The following CELSR3 variants were observed in gnomAD, a reference collection of about 807,000 sequenced individuals.
CELSR3 encodes the protein EGF-like protein 1.
In CELSR3, 73 loss-of-function variants were observed where a neutral mutation model predicts 270.0. That is an observed-to-expected ratio of 0.27 (90% CI 0.22 to 0.33). The LOEUF is 0.33. Ranked by LOEUF, CELSR3 falls within the 10% of genes least tolerant of loss-of-function variation. The probability of loss-of-function intolerance (pLI) is 1.00; values close to 1 mark genes in which losing one functional copy is unlikely to be tolerated. For missense variants in CELSR3, 3,614 were observed against 4,533.8 expected, an observed-to-expected ratio of 0.80 and a Z score of 5.83; for synonymous variants, 1,780 against 1,905.4, an observed-to-expected ratio of 0.93 and a Z score of 1.71.
chr3:48,655,587 C>A lies in CELSR3; in HGVS notation c.4741+149G>T. 2.3e-6 allele frequency: 2 copies of A among 874,994 alleles called. No homozygotes were observed. The highest frequency in any genetic ancestry group is 2.6e-5 in the East Asian group (1 of 38,812). 54.2% of individuals were successfully genotyped at this position (874,994 alleles called of 1,614,324 possible). On this transcript the variant is annotated intron_variant, in intron 4 of 34. Transcript: ENST00000164024. This position sits in a 1 kb window ranked among gnomAD's most constrained non-coding sequence, Gnocchi z 5.8. ...GACTTCTTGGAGGGAGGGACCTTCC[C>A]ACAGGGAATGGCCAAGGAGCTAGGT...
In CELSR3 at chr3:48,640,161, C is replaced by T. The variant is rs536681529; in HGVS notation, c.9424G>A (p.Asp3142Asn). ...GAMAGRFGSR[D>N]ALDLGAPREW... is the part of the protein sequence containing the mutation. The stretch of plus-strand genomic sequence containing the variant: ...CGAGGTGCCCCTAAGTCGAGCGCAT[C>T]CCGTGACCCGAAGCGGCCAGCCATG... Residue 3142 changes from aspartate to asparagine, a missense_variant, in exon 34 of 35, where the codon GAT (aspartate) becomes AAT (asparagine). Transcript: ENST00000164024. The surrounding 1 kb of genome is among the most constrained non-coding windows in gnomAD (Gnocchi z 7.5). 1 of 1,612,634 alleles carries T rather than the reference C, an allele frequency of 6.2e-7. No individual in the cohort carries two copies. The highest frequency in any genetic ancestry group is 1.1e-5 in the South Asian group (1 of 91,080).
Position 48,642,756 on chromosome 3 carries a change from C to A in CELSR3, c.8535G>T (p.Gln2845His). ...CTCACCTGAGGTAGCTGCGGCCCCG[C>A]TGGCTGTCCTGGTCCTGGGTCCGGC... ...RSGRTQDQDS[Q>H]RGRSYLRDNV... The change falls in exon 30 of 35, where the codon CAG becomes CAT. Residue 2845 changes from glutamine to histidine, a missense_variant. Physicochemically the swap from Gln to His is conservative, Grantham distance 24. Coordinates refer to ENST00000164024, the MANE Select transcript of CELSR3 (RefSeq NM_001407.3). The surrounding 1 kb of genome is among the most constrained non-coding windows in gnomAD (Gnocchi z 6.1). 6.2e-7 allele frequency: 1 copy of A among 1,611,612 alleles called. No homozygotes were observed. Among genetic ancestry groups the A allele is most frequent in the Non-Finnish European group, 8.5e-7 (1 of 1,179,782 alleles).
Position 48,642,309 on chromosome 3 carries a change from G to A in CELSR3, c.8665+49C>T, listed in dbSNP as rs1400795392. 1.3e-6 allele frequency: 2 copies of A among 1,560,010 alleles called. No homozygotes were observed. Among genetic ancestry groups the A allele is most frequent in the Middle Eastern group, 1.9e-4 (1 of 5,334 alleles). ...GTATGGGGTAGAAGAAAAGGGGATGGGGAGAGATCCTCTGCCTCCCTCCTC... is the reference window on the plus strand; with the variant it reads ...GTATGGGGTAGAAGAAAAGGGGATGAGGAGAGATCCTCTGCCTCCCTCCTC... On this transcript the variant is annotated intron_variant, in intron 31 of 34. Coordinates refer to ENST00000164024, the MANE Select transcript of CELSR3 (RefSeq NM_001407.3). The surrounding 1 kb of genome is among the most constrained non-coding windows in gnomAD (Gnocchi z 6.1).
In CELSR3 at chr3:48,642,483, C is replaced by G. The variant is rs771894794; in HGVS notation, c.8556-16G>C. 1 of 1,607,140 alleles carries G rather than the reference C, an allele frequency of 6.2e-7. No individual in the cohort carries two copies. Among genetic ancestry groups the G allele is most frequent in the Non-Finnish European group, 8.5e-7 (1 of 1,176,758 alleles). The stretch of plus-strand genomic sequence containing the variant: ...GACATTGTCCCTGGAAAAGCAGGAG[C>G]CCCCCCACCATGAAAGAGGGATGTG... On this transcript the variant is annotated splice_polypyrimidine_tract_variant and intron_variant, in intron 30 of 34. Transcript: ENST00000164024. This position sits in a 1 kb window ranked among gnomAD's most constrained non-coding sequence, Gnocchi z 6.1.
Position 48,644,785 on chromosome 3 carries a change from G to C in CELSR3, c.8016C>G (p.Asp2672Glu), listed in dbSNP as rs759028650. Reference sequence around the variant, plus strand: ...GCTCGTGGACTGAGATCCAGCAGAAGTCAGGGTTCCCATAGCCCTCAGGGT... The same window carrying C: ...GCTCGTGGACTGAGATCCAGCAGAACTCAGGGTTCCCATAGCCCTCAGGGT... ...GLDPEGYGNP[D>E]FCWISVHEPL... The change falls in exon 26 of 35, where the codon GAC (aspartate) becomes GAG (glutamate). Residue 2672 changes from aspartate to glutamate, a missense_variant. Coordinates refer to ENST00000164024, the MANE Select transcript of CELSR3 (RefSeq NM_001407.3). The surrounding 1 kb of genome is among the most constrained non-coding windows in gnomAD (Gnocchi z 4.8). The C allele has an allele frequency of 1.2e-6, 2 of 1,613,538 alleles. No homozygotes were observed. Among genetic ancestry groups the C allele is most frequent in the East Asian group, 4.5e-5 (2 of 44,874 alleles).
In CELSR3 at chr3:48,654,975, T is replaced by C; in HGVS notation, c.4988+69A>G. On this transcript the variant is annotated intron_variant, in intron 6 of 34. Coordinates refer to ENST00000164024, the MANE Select transcript of CELSR3 (RefSeq NM_001407.3). This position sits in a 1 kb window ranked among gnomAD's most constrained non-coding sequence, Gnocchi z 5.4. The stretch of plus-strand genomic sequence containing the variant: ...GAGTTTGGCAGGATGGGATGAGGAA[T>C]GGGATGTGAAGGGTTGGAGTGGGCT... The C allele has an allele frequency of 6.9e-7, 1 of 1,439,310 alleles. No homozygotes were observed. Among genetic ancestry groups the C allele is most frequent in the Non-Finnish European group, 9.7e-7 (1 of 1,026,134 alleles). The allele number at this position is 1,439,310 out of a possible 1,614,324, so 89.2% of individuals were successfully genotyped here. A position where few individuals can be genotyped will look rare whatever the true frequency, so the allele number is the denominator to read the frequency against.
Position 48,648,248 on chromosome 3 carries a change from A to AACCCACC in CELSR3, c.6973+17_6973+18insGGTGGGT. On this transcript the variant is annotated intron_variant, in intron 19 of 34. Transcript: ENST00000164024. ...TGGCCCCCCTGCTGTGCCCCGCCCT[A>AACCCACC]CCCCACCCACAACGCACTGATATTA... is the stretch of plus-strand genomic sequence containing the variant. 1 of 975,236 alleles carries AACCCACC rather than the reference A, an allele frequency of 1.0e-6. No individual in the cohort carries two copies. Among genetic ancestry groups the AACCCACC allele is most frequent in the Non-Finnish European group, 1.5e-6 (1 of 653,530 alleles). 60.4% of individuals were successfully genotyped at this position (975,236 alleles called of 1,614,324 possible).
Position 48,656,990 on chromosome 3 carries a change from G to C in CELSR3, c.4107C>G (p.Leu1369=), listed in dbSNP as rs747284185. ...RRAALAARSL[L]DVLPFDDNVC... The stretch of plus-strand genomic sequence containing the variant: ...CGTTGTCGTCGAAGGGCAGTACGTC[G>C]AGCAGGGAGCGAGCCGCCAGCGCCG... Residue 1369 remains leucine, a synonymous_variant, in exon 2 of 35, where the codon CTC becomes CTG. Coordinates refer to ENST00000164024, the MANE Select transcript of CELSR3 (RefSeq NM_001407.3). 2 of 1,612,606 alleles carry C rather than the reference G, an allele frequency of 1.2e-6. No individual in the cohort carries two copies. The highest frequency in any genetic ancestry group is 1.6e-4 in the Middle Eastern group (1 of 6,078).
At position 48,642,126 on chromosome 3, in the gene CELSR3, C is replaced by T. The variant is rs539973694; in HGVS notation, c.8666-117G>A. 3.5e-5 allele frequency: 37 copies of T among 1,053,596 alleles called. No individual in the cohort carries two copies. The highest frequency in any genetic ancestry group is 9.7e-5 in the African/African-American group (6 of 62,110). 65.3% of individuals were successfully genotyped at this position (1,053,596 alleles called of 1,614,324 possible). On this transcript the variant is annotated intron_variant, in intron 31 of 34. Transcript: ENST00000164024. The surrounding 1 kb of genome is among the most constrained non-coding windows in gnomAD (Gnocchi z 6.1). ...GGGGGTTAGGGTTGGGGACAGGAAC[C>T]GGGGCTTGAAGTGGAGGTAGCAGCA...
Position 48,650,783 on chromosome 3 carries a change from C to T in CELSR3, c.6370+109G>A. On this transcript the variant is annotated intron_variant, in intron 15 of 34. Coordinates refer to ENST00000164024, the MANE Select transcript of CELSR3 (RefSeq NM_001407.3). This position sits in a 1 kb window ranked among gnomAD's most constrained non-coding sequence, Gnocchi z 5.1. ...GGTTCCCTGGGTGTAAGTGGTCTCC[C>T]TCAGGAGAAGCTTCCAGAGTCCCCA... is the stretch of plus-strand genomic sequence containing the variant. 2 of 1,304,478 alleles carry T rather than the reference C, an allele frequency of 1.5e-6. No homozygotes were observed. The highest frequency in any genetic ancestry group is 2.1e-6 in the Non-Finnish European group (2 of 948,588). The allele number at this position is 1,304,478 out of a possible 1,614,324, so 80.8% of individuals were successfully genotyped here.
Position 48,642,817 on chromosome 3 carries a change from G to T in CELSR3, c.8474C>A (p.Ala2825Asp). 1 of 1,613,170 alleles carries T rather than the reference G, an allele frequency of 6.2e-7. No homozygotes were observed. The highest frequency in any genetic ancestry group is 8.5e-7 in the Non-Finnish European group (1 of 1,179,982). Residue 2825 changes from alanine to aspartate, a missense_variant, in exon 30 of 35, where the codon GCC (alanine) becomes GAC (aspartate). This residue lies in a region of CELSR3 where 1,240 missense variants were observed against 1,351.7 expected (regional missense o/e 0.92). Coordinates refer to ENST00000164024, the MANE Select transcript of CELSR3 (RefSeq NM_001407.3). The surrounding 1 kb of genome is among the most constrained non-coding windows in gnomAD (Gnocchi z 6.1). ...ESGLIRITLG[A>D]STVSSVSSAR... ...ACTGCTCACAGAGGAGACGGTGGAG[G>T]CGCCCAGAGTGATGCGGATGAGGCC...
Position 48,662,250 on chromosome 3 carries a change from G to A in CELSR3, c.385C>T (p.Pro129Ser). 1.2e-6 allele frequency: 2 copies of A among 1,613,138 alleles called. No homozygotes were observed. Among genetic ancestry groups the A allele is most frequent in the Non-Finnish European group, 1.7e-6 (2 of 1,180,030 alleles). The change falls in exon 1 of 35, where the codon CCA becomes TCA. Residue 129 changes from proline (P) to serine (S), a missense_variant. Around this residue, in one of 7 missense-constraint regions of CELSR3, gnomAD observed 470 missense variants for 469.7 expected, o/e 1.00. Transcript: ENST00000164024. The surrounding 1 kb of genome is among the most constrained non-coding windows in gnomAD (Gnocchi z 7.1). ...GGGCGCCAGTATAACACAGACCCTG[G>A]TCCCTGTCCTGTCTCTCGTTCGCGG... Reference protein sequence around the residue: ...GSRERETGQGPGSVLYWRPEV... With the variant: ...GSRERETGQGSGSVLYWRPEV...
In CELSR3 at chr3:48,654,388, CG is replaced by C; in HGVS notation, c.5052del (p.Val1685TyrfsTer89). ...CAGCCGATGAAGTCCTTATGGGATA[CG>C]GGGAAGTTCTCGGGGAGGTTGGGGA... ...GGVPNLPENF[P>X]VSHKDFIGCM... On this transcript the variant is annotated frameshift_variant, in exon 7 of 35. Transcript: ENST00000164024. LOFTEE classifies it high-confidence loss of function. The surrounding 1 kb of genome is among the most constrained non-coding windows in gnomAD (Gnocchi z 5.4). 1 of 1,609,940 alleles carries C rather than the reference CG, an allele frequency of 6.2e-7. No homozygotes were observed. Among genetic ancestry groups the C allele is most frequent in the Non-Finnish European group, 8.5e-7 (1 of 1,176,700 alleles).
rs2077060514 is a variant in CELSR3, at chr3:48,660,805, G to A, written c.1830C>T (p.Phe610=). 18 of 1,613,960 alleles carry A rather than the reference G, an allele frequency of 1.1e-5. No individual in the cohort carries two copies. Among genetic ancestry groups the A allele is most frequent in the Non-Finnish European group, 1.4e-5 (16 of 1,180,034 alleles). The change falls in exon 1 of 35, where the codon TTC becomes TTT. Residue 610 remains phenylalanine, a synonymous_variant. Coordinates refer to ENST00000164024, the MANE Select transcript of CELSR3 (RefSeq NM_001407.3). The surrounding 1 kb of genome is among the most constrained non-coding windows in gnomAD (Gnocchi z 5.5). ...GCAAGGCATACTCTCTCTCTGCCTCGAAGTCCAGAGGTGCCACCACCTGGA... is the reference window on the plus strand; with the variant it reads ...GCAAGGCATACTCTCTCTCTGCCTCAAAGTCCAGAGGTGCCACCACCTGGA... ...GEIQVVAPLD[F]EAEREYALRI...
Position 48,640,202 on chromosome 3 carries a change from C to A in CELSR3, c.9383G>T (p.Arg3128Leu). Residue 3128 changes from arginine to leucine, a missense_variant, in exon 34 of 35, where the codon CGG (arginine) becomes CTG (leucine). Coordinates refer to ENST00000164024, the MANE Select transcript of CELSR3 (RefSeq NM_001407.3). This position sits in a 1 kb window ranked among gnomAD's most constrained non-coding sequence, Gnocchi z 7.5. Reference protein sequence around the residue: ...GSTLPRRQPPRDYPGAMAGRF... With the variant: ...GSTLPRRQPPLDYPGAMAGRF... Reference sequence around the variant, plus strand: ...GCCAGCCATGGCGCCAGGGTAGTCCCGAGGTGGCTGCCTCCGTGGCAGGGT... The same window carrying A: ...GCCAGCCATGGCGCCAGGGTAGTCCAGAGGTGGCTGCCTCCGTGGCAGGGT... The A allele has an allele frequency of 6.2e-7, 1 of 1,612,754 alleles. No individual in the cohort carries two copies.
Position 48,659,252 on chromosome 3 carries a change from A to G in CELSR3, c.3383T>C (p.Ile1128Thr), listed in dbSNP as rs2077047085. Reference protein sequence around the residue: ...DIFSGELTALIDLDYEARQEY... With the variant: ...DIFSGELTALTDLDYEARQEY... ...TTGGCGAGCCTCATAGTCTAGGTCAATGAGTGCCGTCAGTTCTCCAGAGAA... is the reference window on the plus strand; with the variant it reads ...TTGGCGAGCCTCATAGTCTAGGTCAGTGAGTGCCGTCAGTTCTCCAGAGAA... The change falls in exon 1 of 35, where the codon ATT becomes ACT. Residue 1128 changes from isoleucine (I) to threonine (T), a missense_variant. Ile to Thr is a moderately conservative substitution (Grantham distance 89). Coordinates refer to ENST00000164024, the MANE Select transcript of CELSR3 (RefSeq NM_001407.3). This position sits in a 1 kb window ranked among gnomAD's most constrained non-coding sequence, Gnocchi z 8.1. 7 of 1,614,180 alleles carry G rather than the reference A, an allele frequency of 4.3e-6. No individual in the cohort carries two copies. The highest frequency in any genetic ancestry group is 5.9e-6 in the Non-Finnish European group (7 of 1,180,028).
chr3:48,652,197 G>T lies in CELSR3; in HGVS notation c.5752-149C>A. On this transcript the variant is annotated intron_variant, in intron 11 of 34. Coordinates refer to ENST00000164024, the MANE Select transcript of CELSR3 (RefSeq NM_001407.3). This position sits in a 1 kb window ranked among gnomAD's most constrained non-coding sequence, Gnocchi z 4.3. ...CAGGCCTCAAAAATATCCCCAATTT[G>T]GTACCCCTGTGGGACCCTAATTGTG... is the stretch of plus-strand genomic sequence containing the variant. The T allele has an allele frequency of 1.2e-6, 1 of 867,588 alleles. No homozygotes were observed. The highest frequency in any genetic ancestry group is 1.8e-5 in the South Asian group (1 of 54,702). 53.7% of individuals were successfully genotyped at this position (867,588 alleles called of 1,614,324 possible). A position where few individuals can be genotyped will look rare whatever the true frequency, so the allele number is the denominator to read the frequency against.
chr3:48,662,215 G>A lies in CELSR3; in HGVS notation c.420C>T (p.Ser140=), dbSNP rs978905334. The change falls in exon 1 of 35, where the codon TCC becomes TCT. Residue 140 remains serine, a synonymous_variant. Transcript: ENST00000164024. The surrounding 1 kb of genome is among the most constrained non-coding windows in gnomAD (Gnocchi z 7.1). The part of the protein sequence containing the change: ...GSVLYWRPEV[S]SCGRTGPLQR... ...GCAAAGGTCCTGTCCGCCCGCAAGA[G>A]GAGACCTCTGGGCGCCAGTATAACA... 1 of 1,613,196 alleles carries A rather than the reference G, an allele frequency of 6.2e-7. No homozygotes were observed. Among genetic ancestry groups the A allele is most frequent in the Non-Finnish European group, 8.5e-7 (1 of 1,179,950 alleles).
rs1026723825 is a variant in CELSR3 at position 48,646,905 on chromosome 3, C to G, written c.7153G>C (p.Glu2385Gln). The G allele has an allele frequency of 1.3e-6, 2 of 1,558,384 alleles. No homozygotes were observed. The highest frequency in any genetic ancestry group is 8.6e-7 in the Non-Finnish European group (1 of 1,157,726). The change falls in exon 21 of 35, where the codon GAA (glutamate) becomes CAA (glutamine). Residue 2385 changes from glutamate to glutamine, a missense_variant. Transcript: ENST00000164024. This position sits in a 1 kb window ranked among gnomAD's most constrained non-coding sequence, Gnocchi z 4.8. The part of the protein sequence containing the change: ...SEVLPTSSSI[E>Q]NSTTSSVVPP... ...ACCACACTTGAGGTGGTGGAGTTTT[C>G]TATGCTGCTGCTTGTGGGCAGAACT...
Sources: allele counts gnomAD v4.1 joint callset, GRCh38; gene constraint gnomAD v4.1.1; regional missense constraint gnomAD v4.1.1; non-coding constraint Gnocchi (gnomAD v3.1); transcripts MANE v1.5; gene names NCBI Gene and HGNC (gene_info 2026-07-23, HGNC 2026-07-21).